Variants in PDPR observed in about 807,000 individuals in gnomAD.
The protein encoded by PDPR is pyruvate dehydrogenase phosphatase regulatory subunit, mitochondrial.
In PDPR, 50 loss-of-function variants were observed where a neutral mutation model predicts 102.2. That is an observed-to-expected ratio of 0.49 (90% confidence interval 0.39 to 0.62). The LOEUF (loss-of-function observed/expected upper bound fraction) is 0.62. PDPR is among the 20% of genes least tolerant of loss of function. PDPR has a pLI of 0.00. For synonymous variants in PDPR, 259 were observed against 406.0 expected (o/e 0.64, Z 4.35); for missense variants, 625 against 1,098.2 (o/e 0.57, Z 6.09).
At chr16:70,138,780 C>T in intron 10 of PDPR, 119 bp from the exon 11 acceptor site, 2 of 1,564,910 alleles carry the variant, frequency 1.3e-6, no homozygotes, top group South Asian at 1.1e-5. Flanking sequence ...GTGCCCAAAA[C>T]TATTCAGCTG....
chr16:70,163,100 C>T (rs1967928051), downstream of PDPR, among the ~76,000 whole-genome samples: 1 of 152,274 alleles, frequency 6.6e-6, no homozygotes, highest in Non-Finnish European at 1.5e-5. Flanking sequence ...AGGCACGCGC[C>T]ACCATGCCCA....
chr16:70,153,329 G>C, intron 17 of PDPR, 62 bp from the exon 18 acceptor site: 2 of 1,525,382 alleles, frequency 1.3e-6, no homozygotes, highest in Non-Finnish European at 8.9e-7. Flanking sequence ...AGCGCTTCCA[G>C]ACATGCTCCA....
At chr16:70,121,117 G>T (rs188671769) in intron 3 of PDPR, among the ~76,000 whole-genome samples, 1 of 151,794 alleles carries the variant, frequency 6.6e-6, no homozygotes, top group African/African-American at 2.4e-5. Flanking sequence ...AAAAATTTGC[G>T]TTTGTAAATA....
chr16:70,156,933 C>CA lies in PDPR; in HGVS notation c.*55dup. On this transcript the variant is annotated 3_prime_UTR_variant, in exon 19 of 19. Transcript: ENST00000288050. ...CATCATCTTGTCCTAGAGTGGGCGT[C>CA]ACCTTGGAGCTTCTCTTCCTTCCGC... 6.3e-7 allele frequency: 1 copy of CA among 1,583,016 alleles called. No homozygotes were observed. The highest frequency in any genetic ancestry group is 8.6e-7 in the Non-Finnish European group (1 of 1,162,294).
At chr16:70,155,620 C>A (rs371519607) in intron 18 of PDPR, among the ~76,000 whole-genome samples, 1 of 152,204 alleles carries the variant, frequency 6.6e-6, no homozygotes, top group East Asian at 1.9e-4. Flanking sequence ...GAACTCCTGA[C>A]CTCAGGAGAT....
At chr16:70,163,202 C>A (rs1460470550), downstream of PDPR, among the ~76,000 whole-genome samples, 1 of 152,268 alleles carries the variant, frequency 6.6e-6, no homozygotes, top group Non-Finnish European at 1.5e-5. Flanking sequence ...CCCACCTTGG[C>A]CTCCCAAAGT....
intron 18 of PDPR, 41 bp downstream of exon 18, chr16:70,153,614 G>T (rs370789985): frequency 1.3e-6 from 2 of 1,541,314 alleles, no homozygotes; most frequent in African/African-American, 1.4e-5. Flanking sequence ...TCAGCATCCC[G>T]AGTAGTGAAT....
intron 3 of PDPR, among the ~76,000 whole-genome samples, chr16:70,124,222 G>A (rs1177017948): frequency 2.0e-5 from 3 of 152,224 alleles, no homozygotes; most frequent in Non-Finnish European, 4.4e-5. Context: ...AATTAGCTGG[G>A]CGTGGTGGCA....
chr16:70,145,233 G>C (rs997120782), intron 15 of PDPR, among the ~76,000 whole-genome samples: 1 of 152,214 alleles, frequency 6.6e-6, no homozygotes, highest in Non-Finnish European at 1.5e-5. Flanking sequence ...CACCTCCCGG[G>C]TTCAAGCGAT....
intron 2 of PDPR, among the ~76,000 whole-genome samples, chr16:70,117,862 G>A (rs1024310685): frequency 6.6e-6 from 1 of 152,142 alleles, no homozygotes; most frequent in African/African-American, 2.4e-5. Flanking sequence ...GGAGGCCAAG[G>A]CCAGTGGATC....
intron 11 of PDPR, among the ~76,000 whole-genome samples, chr16:70,139,266 C>T (rs571812019): frequency 2.6e-5 from 4 of 152,372 alleles, no homozygotes; most frequent in South Asian, 2.1e-4. Context: ...ATAGGAGTTA[C>T]AGTTGGTACA....
At chr16:70,155,481 T>G (rs1435762129) in intron 18 of PDPR, among the ~76,000 whole-genome samples, 1 of 152,236 alleles carries the variant, frequency 6.6e-6, no homozygotes, top group Non-Finnish European at 1.5e-5. Flanking sequence ...GTGGGTGTGG[T>G]GGCGCATCTG....
At chr16:70,151,641 C>T (rs1181371714) in intron 17 of PDPR, among the ~76,000 whole-genome samples, 14 of 152,292 alleles carry the variant, frequency 9.2e-5, no homozygotes, top group Admixed American at 8.5e-4. Context: ...AGGGGAGGCT[C>T]TGTGGCTCTA....
rs955793623 is a variant in PDPR, at chr16:70,159,546, G to C, written c.*2667G>C. The C allele has an allele frequency of 1.3e-5, 2 of 152,698 alleles. No individual in the cohort carries two copies. The highest frequency in any genetic ancestry group is 4.8e-5 in the African/African-American group (2 of 41,480). The allele number at this position is 152,698 out of a possible 1,614,324, so 9.5% of individuals were successfully genotyped here. The stretch of plus-strand genomic sequence containing the variant: ...CCTGGTTCATTCAAATACAAGCTGT[G>C]TGAGTCTGGTGGTTTTCTGTGATTG... On this transcript the variant is annotated 3_prime_UTR_variant, in exon 19 of 19. Coordinates refer to ENST00000288050, the MANE Select transcript of PDPR (RefSeq NM_017990.5).
At chr16:70,120,758 A>T in intron 3 of PDPR, 39 bp downstream of exon 3, 1 of 1,304,036 alleles carries the variant, frequency 7.7e-7, no homozygotes. Flanking sequence ...GCTGTGCTGC[A>T]CTAATCGTAT....
intron 17 of PDPR, among the ~76,000 whole-genome samples, chr16:70,152,016 T>A (rs1172130492): frequency 1.3e-4 from 20 of 152,390 alleles, no homozygotes; most frequent in African/African-American, 4.8e-4. Flanking sequence ...TACATCGTTC[T>A]TCCTTGGTCA....
intron 18 of PDPR, among the ~76,000 whole-genome samples, chr16:70,156,075 A>T (rs1967144454): frequency 6.6e-6 from 1 of 152,212 alleles, no homozygotes; most frequent in African/African-American, 2.4e-5. Flanking sequence ...TTTTTAGTAG[A>T]GATGAGGTTT....
chr16:70,139,713 T>G (rs1965518683), intron 11 of PDPR, among the ~76,000 whole-genome samples: 2 of 152,360 alleles, frequency 1.3e-5, no homozygotes, highest in South Asian at 4.1e-4. Flanking sequence ...TATCAGGAAT[T>G]GAACCAAACC....
rs1967680887 is a variant in PDPR, at chr16:70,160,538, A to C, written c.*3659A>C. On this transcript the variant is annotated 3_prime_UTR_variant, in exon 19 of 19. Coordinates refer to ENST00000288050, the MANE Select transcript of PDPR (RefSeq NM_017990.5). Reference sequence around the variant, plus strand: ...ACAGAGACCACATAGCCCAGTGATTAAACCCCGGTTTCACTCTGGCCCCAG... The same window carrying C: ...ACAGAGACCACATAGCCCAGTGATTCAACCCCGGTTTCACTCTGGCCCCAG... 1 of 152,572 alleles carries C rather than the reference A, an allele frequency of 6.6e-6. No individual in the cohort carries two copies. Among genetic ancestry groups the C allele is most frequent in the African/African-American group, 2.4e-5 (1 of 41,486 alleles). 9.5% of individuals were successfully genotyped at this position (152,572 alleles called of 1,614,324 possible).
Sources: allele counts gnomAD v4.1 joint callset (sites outside exome capture counted in the v4.1 genomes callset), GRCh38; gene constraint gnomAD v4.1.1; transcripts MANE v1.5; gene names NCBI Gene and HGNC (gene_info 2026-07-23, HGNC 2026-07-21).